GFRA1: variants seen among roughly 807,000 people sequenced by gnomAD.
GFRA1 encodes the protein GDNF family receptor alpha-1.
A neutral mutation model predicts 51.6 loss-of-function variants in GFRA1; 16 were observed. The ratio of observed to expected loss-of-function variants is 0.31; its 90% confidence interval spans 0.21 to 0.47. The LOEUF is 0.47. Ranked by LOEUF, GFRA1 falls within the 20% of genes least tolerant of loss-of-function variation. The probability of loss-of-function intolerance (pLI) is 1.00; values close to 1 mark genes in which losing one functional copy is unlikely to be tolerated. For synonymous variants in GFRA1, 270 were observed against 241.3 expected (o/e 1.12, Z -1.10); for missense variants, 530 against 594.3 (o/e 0.89, Z 1.13).
chr10:116,136,002 T>C (rs994897495), intron 5 of GFRA1, among the ~76,000 whole-genome samples: 1 of 152,194 alleles, frequency 6.6e-6, no homozygotes, highest in Admixed American at 6.5e-5. Flanking sequence ...GATACTTTTT[T>C]TCCCCCCAAT....
chr10:116,150,912 A>G (rs1959036478), intron 5 of GFRA1, among the ~76,000 whole-genome samples: 1 of 151,992 alleles, frequency 6.6e-6, no homozygotes. Context: ...CAGTTTTTAT[A>G]TTTTATTTTC....
rs76960181 is a variant in GFRA1, at chr10:116,123,795, C to T, written c.770+1426G>A. ...AACACTAAGTTCTGGGAAGGACACA[C>T]ATGAAATGGTTAACAGTGACTGCCT... On this transcript the variant is annotated intron_variant, in intron 6 of 10. Transcript: ENST00000355422. Among the ~76,000 whole-genome samples, 750 of 152,292 alleles carry T rather than the reference C, an allele frequency of 4.9e-3. 7 individuals carry two copies. The highest frequency in any genetic ancestry group is 0.017 in the African/African-American group (706 of 41,570).
intron 5 of GFRA1, among the ~76,000 whole-genome samples, chr10:116,149,319 C>T (rs1167164186): frequency 6.6e-6 from 1 of 152,148 alleles, no homozygotes; most frequent in Non-Finnish European, 1.5e-5. Flanking sequence ...GCTCTTTGCA[C>T]ATTAAAAATC....
chr10:116,082,156 G>T (rs1312649269), intron 9 of GFRA1, among the ~76,000 whole-genome samples: 1 of 152,148 alleles, frequency 6.6e-6, no homozygotes, highest in Non-Finnish European at 1.5e-5. Flanking sequence ...AAAGAGATGT[G>T]GCGGGGACCG....
At chr10:116,271,543 C>A (rs1039699054) in intron 2 of GFRA1, among the ~76,000 whole-genome samples, 6 of 152,282 alleles carry the variant, frequency 3.9e-5, no homozygotes, top group African/African-American at 1.4e-4. Context: ...CGGGCGCGCG[C>A]TGGGCGCGGG....
chr10:116,085,716 T>C (rs1200261009), intron 9 of GFRA1, among the ~76,000 whole-genome samples: 1 of 152,120 alleles, frequency 6.6e-6, no homozygotes, highest in African/African-American at 2.4e-5. Flanking sequence ...CCTCAGATGA[T>C]CCTTTCAACC....
chr10:116,265,340 C>A (rs1418258347), intron 4 of GFRA1, among the ~76,000 whole-genome samples: 1 of 152,166 alleles, frequency 6.6e-6, no homozygotes, highest in Non-Finnish European at 1.5e-5. Context: ...ATATCATCAA[C>A]TGTGATTGTA....
intron 8 of GFRA1, among the ~76,000 whole-genome samples, chr10:116,092,931 G>A (rs1040423546): frequency 1.3e-5 from 2 of 152,188 alleles, no homozygotes; most frequent in East Asian, 1.9e-4. Flanking sequence ...GTGGATATAC[G>A]TGAGTCCTGG....
intron 5 of GFRA1, among the ~76,000 whole-genome samples, chr10:116,134,183 T>C (rs1469518071): frequency 2.0e-5 from 3 of 152,240 alleles, no homozygotes; most frequent in African/African-American, 7.2e-5. Flanking sequence ...AAAGAACGTT[T>C]GTTTGCACAT....
chr10:116,161,706 C>T (rs903035713), intron 5 of GFRA1, among the ~76,000 whole-genome samples: 4 of 152,312 alleles, frequency 2.6e-5, no homozygotes, highest in Admixed American at 6.5e-5. Flanking sequence ...CCATGGAAGA[C>T]GTCCCTTTGT....
At chr10:116,223,914 T>TA (rs925803243) in intron 4 of GFRA1, among the ~76,000 whole-genome samples, 8 of 152,276 alleles carry the variant, frequency 5.3e-5, no homozygotes, top group African/African-American at 1.4e-4. Context: ...TTACAGAGCT[T>TA]AAAAAATGTT....
chr10:116,167,322 C>T (rs1255146642), intron 5 of GFRA1, among the ~76,000 whole-genome samples: 1 of 152,132 alleles, frequency 6.6e-6, no homozygotes, highest in African/African-American at 2.4e-5. Flanking sequence ...GGTGGGGCTC[C>T]ATTAGGCCTT....
At chr10:116,119,008 C>T (rs1957540981) in intron 6 of GFRA1, among the ~76,000 whole-genome samples, 1 of 152,130 alleles carries the variant, frequency 6.6e-6, no homozygotes, top group Non-Finnish European at 1.5e-5. Context: ...GAAGGCAGGT[C>T]ATAGCTGGGC....
chr10:116,091,823 G>A (rs1313935944), intron 8 of GFRA1, among the ~76,000 whole-genome samples: 2 of 152,174 alleles, frequency 1.3e-5, no homozygotes, highest in Admixed American at 1.3e-4. Flanking sequence ...TGGAATGACT[G>A]TGAAAAATTC....
At chr10:116,076,129 T>C (rs987580885) in intron 9 of GFRA1, among the ~76,000 whole-genome samples, 3 of 152,072 alleles carry the variant, frequency 2.0e-5, no homozygotes, top group Admixed American at 1.3e-4. Flanking sequence ...ACAGAATCAC[T>C]AAGTGCTGTC....
intron 4 of GFRA1, 72 bp downstream of exon 4, chr10:116,269,431 G>C: frequency 1.2e-6 from 1 of 858,156 alleles, no homozygotes; most frequent in Non-Finnish European, 2.0e-6. Flanking sequence ...TGCTCTTTGA[G>C]AGCCAAAGAG....
chr10:116,252,420 G>C (rs1375616252), intron 4 of GFRA1, among the ~76,000 whole-genome samples: 1 of 152,114 alleles, frequency 6.6e-6, no homozygotes, highest in Non-Finnish European at 1.5e-5. Context: ...GTCAATTGCC[G>C]CCCTCACACT....
In GFRA1 at chr10:116,272,088, C is replaced by A; in HGVS notation, c.-59G>T. ...AAAAAATCCCGAGCCGCCGCTGGGT[C>A]TTGCCGAGGGAGCTCAGCGTGCAGC... On this transcript the variant is annotated 5_prime_UTR_variant, in exon 2 of 11. Coordinates refer to ENST00000355422, the MANE Select transcript of GFRA1 (RefSeq NM_005264.8). This position sits in a 1 kb window ranked among gnomAD's most constrained non-coding sequence, Gnocchi z 4.4. The A allele has an allele frequency of 7.1e-7, 1 of 1,409,008 alleles. No individual in the cohort carries two copies. Among genetic ancestry groups the A allele is most frequent in the South Asian group, 1.2e-5 (1 of 81,166 alleles). 87.3% of individuals were successfully genotyped at this position (1,409,008 alleles called of 1,614,324 possible).
intron 4 of GFRA1, among the ~76,000 whole-genome samples, chr10:116,233,369 G>C (rs1488903772): frequency 1.3e-5 from 2 of 152,190 alleles, no homozygotes; most frequent in African/African-American, 2.4e-5. Flanking sequence ...TCAGCTTTCG[G>C]AGTACACTTG....
Sources: gnomAD v4.1 joint callset for allele counts (sites outside exome capture counted in the v4.1 genomes callset) on GRCh38, gnomAD v4.1.1 for gene constraint, Gnocchi (gnomAD v3.1) non-coding constraint, MANE v1.5 for transcripts, NCBI Gene and HGNC (gene_info 2026-07-23, HGNC 2026-07-21) for gene names.